Variants in HMBOX1 observed in about 807,000 individuals in gnomAD.
HMBOX1 encodes homeobox containing 1, also known as homeobox-containing protein 1.
In HMBOX1, 14 loss-of-function variants were observed where a neutral mutation model predicts 54.5. The observed-to-expected ratio is 0.26, with a 90% CI of 0.17 to 0.40. The LOEUF (loss-of-function observed/expected upper bound fraction) is 0.40, where lower values mean the gene tolerates loss of function less well. HMBOX1 is among the 10% of genes least tolerant of loss of function. The probability of loss-of-function intolerance (pLI) is 1.00; values close to 1 mark genes in which losing one functional copy is unlikely to be tolerated. For missense variants in HMBOX1, 332 were observed against 514.4 expected (o/e 0.65, Z 3.43); for synonymous variants, 160 against 181.0 (o/e 0.88, Z 0.93).
chr8:28,923,995 T>A lies in HMBOX1; in HGVS notation c.-58+33317T>A, dbSNP rs1402241825. Among the ~76,000 whole-genome samples the A allele has an allele frequency of 2.0e-5, 3 of 152,196 alleles. No individual in the cohort carries two copies. The East Asian group carries it at 5.8e-4, about 29-fold the overall frequency. ...TGTTGTTGTTAAGTTTAGTAGTTCT[T>A]AATATATTTTGGATAATCTCGTCTC... On this transcript the variant is annotated intron_variant, in intron 1 of 9. Transcript: ENST00000287701.
At chr8:29,008,975 A>G in intron 4 of HMBOX1, 97 bp from the exon 5 acceptor site, 1 of 875,814 alleles carries the variant, frequency 1.1e-6, no homozygotes, top group South Asian at 1.6e-5. Flanking sequence ...GACTGGACAC[A>G]GAGAATAAAG....
intron 1 of HMBOX1, among the ~76,000 whole-genome samples, chr8:28,914,397 C>A (rs988876682): frequency 6.6e-6 from 1 of 151,874 alleles, no homozygotes; most frequent in Non-Finnish European, 1.5e-5. Context: ...AAATAGATAC[C>A]CCATCTATTA....
chr8:28,894,266 C>G (rs188322420), intron 1 of HMBOX1, among the ~76,000 whole-genome samples: 2 of 152,228 alleles, frequency 1.3e-5, no homozygotes, highest in Admixed American at 1.3e-4. Context: ...TGTACACCCA[C>G]AATACACTCA....
chr8:29,021,542 T>C (rs1480749541), intron 6 of HMBOX1, among the ~76,000 whole-genome samples: 1 of 151,952 alleles, frequency 6.6e-6, no homozygotes, highest in African/African-American at 2.4e-5. Flanking sequence ...AAAATGCAAA[T>C]GGTCCTTGAA....
chr8:28,925,699 T>G (rs1563400417), intron 1 of HMBOX1, among the ~76,000 whole-genome samples: 2 of 152,180 alleles, frequency 1.3e-5, no homozygotes, highest in Non-Finnish European at 2.9e-5. Context: ...TCTTCCTCAT[T>G]ATGTTGCTTC....
At chr8:28,893,030 G>A (rs1811346126) in intron 1 of HMBOX1, among the ~76,000 whole-genome samples, 1 of 151,978 alleles carries the variant, frequency 6.6e-6, no homozygotes, top group African/African-American at 2.4e-5. Context: ...ATTTTAAATT[G>A]GAAAAACACG....
chr8:29,035,361 T>TA (rs1554579345), intron 6 of HMBOX1, among the ~76,000 whole-genome samples: 2 of 151,994 alleles, frequency 1.3e-5, no homozygotes, highest in Non-Finnish European at 2.9e-5. Flanking sequence ...TCAGCACTTT[T>TA]AAAAAAAAGA....
chr8:28,949,523 T>G lies in HMBOX1; in HGVS notation c.-57-14288T>G, dbSNP rs570576497. On this transcript the variant is annotated intron_variant, in intron 1 of 9. Coordinates refer to ENST00000287701, the MANE Select transcript of HMBOX1 (RefSeq NM_001135726.3). Reference sequence around the variant, plus strand: ...TTCTTATTAATTATCTTGGAAAATGTTCCAATTATGTTATTTTTAAATTTA... The same window carrying G: ...TTCTTATTAATTATCTTGGAAAATGGTCCAATTATGTTATTTTTAAATTTA... 2.6e-5 allele frequency among the ~76,000 whole-genome samples: 4 copies of G among 152,364 alleles called. No homozygotes were observed. The East Asian group carries it at 7.7e-4, about 29-fold the overall frequency.
chr8:28,923,291 A>G (rs1313222360), intron 1 of HMBOX1, among the ~76,000 whole-genome samples: 2 of 152,164 alleles, frequency 1.3e-5, no homozygotes, highest in East Asian at 3.8e-4. Flanking sequence ...TACTATTTGG[A>G]TCTGGCTTAT....
At chr8:28,915,958 G>A (rs1458598371) in intron 1 of HMBOX1, 2 of 152,022 alleles carry the variant, frequency 1.3e-5, no homozygotes, top group Non-Finnish European at 2.9e-5. Flanking sequence ...GATATTTTAC[G>A]TTCTTAAGTC....
In HMBOX1 at chr8:29,006,437, T is replaced by C. The variant is rs923802481; in HGVS notation, c.587-2635T>C. Among the ~76,000 whole-genome samples, 7 of 152,278 alleles carry C rather than the reference T, an allele frequency of 4.6e-5. No individual in the cohort carries two copies. In the East Asian group the frequency reaches 1.3e-3, roughly 29 times the overall value. ...GTGGGATATATGCCTAGTAAAAAAA[T>C]GCTAGGTCATAGAGTATATGTATGT... On this transcript the variant is annotated intron_variant, in intron 4 of 9. Coordinates refer to ENST00000287701, the MANE Select transcript of HMBOX1 (RefSeq NM_001135726.3).
chr8:28,965,529 G>A (rs113532625), intron 2 of HMBOX1, among the ~76,000 whole-genome samples: 2 of 152,296 alleles, frequency 1.3e-5, no homozygotes, highest in African/African-American at 4.8e-5. Flanking sequence ...TATGATGAAA[G>A]GAGGCCTCTG....
At chr8:28,952,057 TC>T (rs1823526058) in intron 1 of HMBOX1, among the ~76,000 whole-genome samples, 1 of 151,256 alleles carries the variant, frequency 6.6e-6, no homozygotes, top group Non-Finnish European at 1.5e-5. Flanking sequence ...GTGCCTGTAG[TC>T]CCAGCTACTC....
At chr8:28,910,417 A>G (rs1461137561) in intron 1 of HMBOX1, among the ~76,000 whole-genome samples, 2 of 152,142 alleles carry the variant, frequency 1.3e-5, no homozygotes, top group East Asian at 3.9e-4. Context: ...TATTTCTTGG[A>G]TAGGTACCTA....
chr8:28,900,071 A>G (rs1812907749), intron 1 of HMBOX1, among the ~76,000 whole-genome samples: 2 of 151,742 alleles, frequency 1.3e-5, no homozygotes, highest in Non-Finnish European at 2.9e-5. Flanking sequence ...CAACATGGTG[A>G]AACCCTGTTT....
At chr8:29,032,770 T>C (rs896339257) in intron 6 of HMBOX1, among the ~76,000 whole-genome samples, 1 of 152,172 alleles carries the variant, frequency 6.6e-6, no homozygotes, top group Non-Finnish European at 1.5e-5. Context: ...CTTGATTGAA[T>C]ATTTAAGAAG....
chr8:28,911,245 G>T (rs1815348799), intron 1 of HMBOX1, among the ~76,000 whole-genome samples: 1 of 152,238 alleles, frequency 6.6e-6, no homozygotes, highest in African/African-American at 2.4e-5. Context: ...ACAATGAGAA[G>T]ACCTGGGGGG....
At chr8:29,047,478 T>C (rs1477040875) in intron 8 of HMBOX1, 25 bp downstream of exon 8, 1 of 1,215,236 alleles carries the variant, frequency 8.2e-7, no homozygotes, top group Non-Finnish European at 1.2e-6. Context: ...AGGCTGCTTT[T>C]CTCTTGTGCA....
chr8:28,923,658 G>A (rs1817913470), intron 1 of HMBOX1, among the ~76,000 whole-genome samples: 1 of 152,170 alleles, frequency 6.6e-6, no homozygotes, highest in African/African-American at 2.4e-5. Context: ...TTGTAATTCT[G>A]TTTAACTTCT....
Sources: gnomAD v4.1 joint callset for allele counts (sites outside exome capture counted in the v4.1 genomes callset) on GRCh38, gnomAD v4.1.1 for gene constraint, MANE v1.5 for transcripts, NCBI Gene and HGNC (gene_info 2026-07-23, HGNC 2026-07-21) for gene names.